TSPAN18: variants seen among roughly 807,000 people sequenced by gnomAD.
TSPAN18 encodes tetraspanin 18.
A neutral mutation model predicts 27.3 loss-of-function variants in TSPAN18; 14 were observed. The ratio of observed to expected loss-of-function variants is 0.51; its 90% CI spans 0.34 to 0.80. The LOEUF (loss-of-function observed/expected upper bound fraction) is 0.80. TSPAN18 is among the 30% of genes least tolerant of loss of function. TSPAN18 has a pLI of 0.01. For synonymous variants in TSPAN18, 143 were observed against 136.5 expected (o/e 1.05, Z -0.33); for missense variants, 268 against 323.9 (o/e 0.83, Z 1.32).
intron 2 of TSPAN18, among the ~76,000 whole-genome samples, chr11:44,848,635 G>A (rs773974276): frequency 2.6e-5 from 4 of 152,198 alleles, no homozygotes; most frequent in Non-Finnish European, 4.4e-5. Context: ...GGACTCAATT[G>A]AGAGAAAGAG....
chr11:44,895,544 A>G (rs1169179878), intron 3 of TSPAN18, among the ~76,000 whole-genome samples: 1 of 152,218 alleles, frequency 6.6e-6, no homozygotes, highest in East Asian at 1.9e-4. Flanking sequence ...GAGCCAGTCA[A>G]TAGGATGGGG....
intron 2 of TSPAN18, among the ~76,000 whole-genome samples, chr11:44,824,400 G>A (rs1363188394): frequency 1.3e-5 from 2 of 152,218 alleles, no homozygotes; most frequent in Non-Finnish European, 2.9e-5. Context: ...AGGGATAGGG[G>A]ATGTGGTGGC....
rs1264470693 is a variant in TSPAN18, at chr11:44,931,048, G to A, written c.*1870G>A. On this transcript the variant is annotated 3_prime_UTR_variant, in exon 10 of 10. Transcript: ENST00000520358. ...CTGTGCCTGCTGCAAAGATTCAGGT[G>A]GACCCTCCTCTAATCTCCTCCTGCT... is the stretch of plus-strand genomic sequence containing the variant. 2 of 439,496 alleles carry A rather than the reference G, an allele frequency of 4.6e-6. No homozygotes were observed. The highest frequency in any genetic ancestry group is 9.2e-6 in the Non-Finnish European group (2 of 217,710). 27.2% of individuals were successfully genotyped at this position (439,496 alleles called of 1,614,324 possible). A position where few individuals can be genotyped will look rare whatever the true frequency, so the allele number is the denominator to read the frequency against.
In TSPAN18 at chr11:44,908,769, G is replaced by GAAAGAAAGAA. The variant is rs1554938043; in HGVS notation, c.64-935_64-934insAAGAAAGAAA. Among the ~76,000 whole-genome samples, 276 of 71,660 alleles carry GAAAGAAAGAA rather than the reference G, an allele frequency of 3.9e-3. 23 individuals carry two copies. The highest frequency in any genetic ancestry group is 0.012 in the African/African-American group (174 of 15,038). 47.0% of individuals were successfully genotyped at this position (71,660 alleles called of 152,430 possible). A position where few individuals can be genotyped will look rare whatever the true frequency, so the allele number is the denominator to read the frequency against. On this transcript the variant is annotated intron_variant, in intron 4 of 9. Coordinates refer to ENST00000520358, the MANE Select transcript of TSPAN18 (RefSeq NM_130783.5). The stretch of plus-strand genomic sequence containing the variant: ...AAGAGAGAGAGAGAGAGAGAGAAAG[G>GAAAGAAAGAA]AGAAAGAAAGAAAGAAAGAAAGAAA...
intron 2 of TSPAN18, among the ~76,000 whole-genome samples, chr11:44,807,091 C>T (rs1856608469): frequency 6.6e-6 from 1 of 151,034 alleles, no homozygotes; most frequent in Non-Finnish European, 1.5e-5. Context: ...GGGACAGTCA[C>T]TCACACTTGT....
Position 44,929,263 on chromosome 11 carries a change from C to A in TSPAN18, c.*85C>A. The A allele has an allele frequency of 6.4e-7, 1 of 1,554,882 alleles. No individual in the cohort carries two copies. The highest frequency in any genetic ancestry group is 1.1e-5 in the South Asian group (1 of 89,682). On this transcript the variant is annotated 3_prime_UTR_variant, in exon 10 of 10. Transcript: ENST00000520358. ...CTCCCGTGCCCCTCCCCGCTGTCCT[C>A]TTGGCCCCAGGGGAGAAGATGAGGC... is the stretch of plus-strand genomic sequence containing the variant.
chr11:44,902,071 C>T (rs1859281261), intron 3 of TSPAN18, among the ~76,000 whole-genome samples: 1 of 152,166 alleles, frequency 6.6e-6, no homozygotes, highest in Non-Finnish European at 1.5e-5. Context: ...AGAGATGGGT[C>T]AGAATAGAAA....
chr11:44,776,077 C>T (rs1004039422), intron 2 of TSPAN18, among the ~76,000 whole-genome samples: 1 of 152,204 alleles, frequency 6.6e-6, no homozygotes, highest in Non-Finnish European at 1.5e-5. Context: ...CGTCTGGGCA[C>T]ACTGTTGTAA....
At chr11:44,727,760 G>T (rs1854551590) in intron 1 of TSPAN18, among the ~76,000 whole-genome samples, 1 of 152,242 alleles carries the variant, frequency 6.6e-6, no homozygotes, top group African/African-American at 2.4e-5. Flanking sequence ...CTGCATGGAG[G>T]GCGGGCTGCC....
At chr11:44,881,717 C>T (rs760920928) in intron 3 of TSPAN18, among the ~76,000 whole-genome samples, 15 of 152,160 alleles carry the variant, frequency 9.9e-5, no homozygotes, top group Non-Finnish European at 2.2e-4. Context: ...CACTGCCTGC[C>T]CAAGGGCACA....
At chr11:44,757,771 T>A (rs1855365676) in intron 1 of TSPAN18, among the ~76,000 whole-genome samples, 1 of 152,234 alleles carries the variant, frequency 6.6e-6, no homozygotes, top group Non-Finnish European at 1.5e-5. Flanking sequence ...TTGTATATCA[T>A]CTTTGGAGAA....
intron 1 of TSPAN18, among the ~76,000 whole-genome samples, chr11:44,732,289 G>A (rs12278725): frequency 0.016 from 2,409 of 152,318 alleles, 51 homozygotes; most frequent in African/African-American, 0.055. Context: ...GAATGCTGCC[G>A]CCCGCCAGGT....
At chr11:44,924,859 T>C (rs1445698523) in intron 8 of TSPAN18, among the ~76,000 whole-genome samples, 1 of 152,234 alleles carries the variant, frequency 6.6e-6, no homozygotes, top group Non-Finnish European at 1.5e-5. Flanking sequence ...AACCTGCACG[T>C]TGTGCACATG....
Position 44,919,910 on chromosome 11 carries a change from T to C in TSPAN18, c.526T>C (p.Cys176Arg). The C allele has an allele frequency of 6.2e-7, 1 of 1,614,220 alleles. No homozygotes were observed. Among genetic ancestry groups the C allele is most frequent in the Non-Finnish European group, 8.5e-7 (1 of 1,180,036 alleles). The part of the protein sequence containing the change: ...TLDSEEVPEA[C>R]CRREPQSRDG... ...GGATAGTGAAGAGGTGCCGGAGGCC[T>C]GCTGCCGGAGGGAACCCCAAAGTCG... The change falls in exon 8 of 10, where the codon TGC (cysteine) becomes CGC (arginine). Residue 176 changes from cysteine (C) to arginine (R), a missense_variant. Cys to Arg is a radical substitution (Grantham distance 180). Coordinates refer to ENST00000520358, the MANE Select transcript of TSPAN18 (RefSeq NM_130783.5).
At chr11:44,909,587 C>A in intron 4 of TSPAN18, 118 bp from the exon 5 acceptor site, 4 of 1,026,676 alleles carry the variant, frequency 3.9e-6, no homozygotes, top group Non-Finnish European at 5.6e-6. Flanking sequence ...TCCTGCCTGG[C>A]TCACCTAGTG....
At chr11:44,787,822 CTCTCTGGAGT>C (rs1799753459) in intron 2 of TSPAN18, among the ~76,000 whole-genome samples, 1 of 152,144 alleles carries the variant, frequency 6.6e-6, no homozygotes, top group African/African-American at 2.4e-5. Flanking sequence ...TGCGAGGGTG[CTCTCTGGAGT>C]TCTCAGAAGA....
chr11:44,844,725 G>A (rs562378846), intron 2 of TSPAN18, among the ~76,000 whole-genome samples: 3 of 152,042 alleles, frequency 2.0e-5, no homozygotes, highest in South Asian at 2.1e-4. Flanking sequence ...TATATATTTC[G>A]GATATAAGTC....
chr11:44,784,748 A>T (rs1856016048), intron 2 of TSPAN18, among the ~76,000 whole-genome samples: 1 of 150,174 alleles, frequency 6.7e-6, no homozygotes, highest in South Asian at 2.1e-4. Flanking sequence ...TAACCCAGCA[A>T]CCACCGGCAA....
At chr11:44,839,710 A>T (rs774971523) in intron 2 of TSPAN18, among the ~76,000 whole-genome samples, 32 of 152,036 alleles carry the variant, frequency 2.1e-4, no homozygotes, top group Non-Finnish European at 3.1e-4. Flanking sequence ...ACCATCACTG[A>T]ACTGAGCATG....
Sources: gnomAD v4.1 joint callset for allele counts (sites outside exome capture counted in the v4.1 genomes callset) on GRCh38, gnomAD v4.1.1 for gene constraint, MANE v1.5 for transcripts, NCBI Gene and HGNC (gene_info 2026-07-23, HGNC 2026-07-21) for gene names.